Variants in REXO1 observed in about 807,000 individuals in gnomAD.
REXO1 encodes RNA exonuclease 1 homolog.
Under a neutral mutation model 102.6 loss-of-function variants are expected in REXO1, and 42 were observed. The observed-to-expected ratio is 0.41, with a 90% CI of 0.32 to 0.53. The LOEUF is 0.53. Ranked by LOEUF, REXO1 falls within the 20% of genes least tolerant of loss-of-function variation. The pLI, the probability that REXO1 is intolerant of heterozygous loss-of-function variation, is 0.27. For missense variants in REXO1, 1,819 were observed against 1,732.5 expected, an observed-to-expected ratio of 1.05 and a Z score of -0.89; for synonymous variants, 908 against 779.1, an observed-to-expected ratio of 1.17 and a Z score of -2.76.
chr19:1,845,256 G>T (rs114793399), intron 1 of REXO1, among the ~76,000 whole-genome samples: 2 of 152,184 alleles, frequency 1.3e-5, no homozygotes, highest in Non-Finnish European at 1.5e-5. Context: ...GGGATAGAAC[G>T]TGCCCCTCTA....
chr19:1,834,221 GAAGGAAAT>G (rs751760022), intron 1 of REXO1, among the ~76,000 whole-genome samples: 5 of 152,154 alleles, frequency 3.3e-5, no homozygotes, highest in Non-Finnish European at 7.4e-5. Context: ...CTTCCCAAAG[GAAGGAAAT>G]TCAGACCTCT....
In REXO1 at chr19:1,827,476, G is replaced by A; in HGVS notation, c.1313C>T (p.Ser438Phe). 5 of 1,573,962 alleles carry A rather than the reference G, an allele frequency of 3.2e-6. No homozygotes were observed. The highest frequency in any genetic ancestry group is 3.5e-4 in the Middle Eastern group (2 of 5,712). ...ERPEGTKKKP[S>F]SATPVATSGK... Reference sequence around the variant, plus strand: ...TGAGGTGGCCACAGGAGTGGCCGAAGATGGCTTCTTCTTGGTCCCTTCCGG... The same window carrying A: ...TGAGGTGGCCACAGGAGTGGCCGAAAATGGCTTCTTCTTGGTCCCTTCCGG... Residue 438 changes from serine (S) to phenylalanine (F), a missense_variant, in exon 2 of 16, where the codon TCT (serine) becomes TTT (phenylalanine). Ser to Phe is a radical substitution (Grantham distance 155, BLOSUM62 -2). Coordinates refer to ENST00000170168, the MANE Select transcript of REXO1 (RefSeq NM_020695.4).
intron 6 of REXO1, 61 bp downstream of exon 6, chr19:1,820,203 G>C (rs547623870): frequency 3.5e-4 from 553 of 1,568,622 alleles, no homozygotes; most frequent in Non-Finnish European, 4.5e-4. Flanking sequence ...GGGATGTCTG[G>C]GGACCACCCT....
chr19:1,816,628 C>CA, intron 13 of REXO1, 59 bp from the exon 14 acceptor site: 1 of 189,046 alleles, frequency 5.3e-6, no homozygotes, highest in Non-Finnish European at 1.0e-5. Flanking sequence ...GCTGGTGGGG[C>CA]GGGGGAGGGT....
At chr19:1,839,321 G>A (rs1011903370) in intron 1 of REXO1, among the ~76,000 whole-genome samples, 41 of 151,690 alleles carry the variant, frequency 2.7e-4, no homozygotes, top group Non-Finnish European at 3.2e-4. Flanking sequence ...TGTCCCCAAA[G>A]GACATTTCCC....
Position 1,817,195 on chromosome 19 carries a change from A to G in REXO1, c.3201+24T>C, listed in dbSNP as rs760456894. 12 of 1,609,820 alleles carry G rather than the reference A, an allele frequency of 7.5e-6. No homozygotes were observed. In the Admixed American group the frequency reaches 1.3e-4, roughly 18 times the overall value. ...CAGGTCCTCCCCAATCCTGAACCCG[A>G]CGCTGGGCAGAGAACAGCCTCACCA... On this transcript the variant is annotated intron_variant, in intron 12 of 15. Transcript: ENST00000170168.
In REXO1 at chr19:1,830,866, A is replaced by G. The variant is rs1244143868; in HGVS notation, c.158-2235T>C. ...TACAGATGCGTCTGGTGCAGCCTTC[A>G]CTGCAAAAACACAACAATAAATAAC... On this transcript the variant is annotated intron_variant, in intron 1 of 15. Transcript: ENST00000170168. 2.6e-5 allele frequency: 4 copies of G among 154,936 alleles called. No individual in the cohort carries two copies. The Admixed American group carries it at 2.6e-4, about 10-fold the overall frequency. The allele number at this position is 154,936 out of a possible 1,614,324, so 9.6% of individuals were successfully genotyped here.
At chr19:1,836,269 G>A (rs557189907) in intron 1 of REXO1, among the ~76,000 whole-genome samples, 3 of 152,318 alleles carry the variant, frequency 2.0e-5, no homozygotes, top group African/African-American at 7.2e-5. Context: ...CATGGAGCAC[G>A]AAGATCCCAA....
In REXO1 at chr19:1,828,264, C is replaced by T. The variant is rs1361397992; in HGVS notation, c.525G>A (p.Glu175=). 3.1e-6 allele frequency: 5 copies of T among 1,606,598 alleles called. No homozygotes were observed. The highest frequency in any genetic ancestry group is 4.2e-6 in the Non-Finnish European group (5 of 1,176,538). Residue 175 remains glutamate, a synonymous_variant, in exon 2 of 16, where the codon GAG becomes GAA. Coordinates refer to ENST00000170168, the MANE Select transcript of REXO1 (RefSeq NM_020695.4). ...ACGCCAGCGAGTACTTGCTGCCCGG[C>T]TCGGCAGGGGCGGCCAGTGGGGTGG... The part of the protein sequence containing the change: ...YQPTPLAAPA[E]PGSKYSLASL...
At chr19:1,829,388 G>A (rs549148773) in intron 1 of REXO1, among the ~76,000 whole-genome samples, 246 of 152,128 alleles carry the variant, frequency 1.6e-3, no homozygotes, top group African/African-American at 5.6e-3. Context: ...ACAGGCGTGC[G>A]CCATCACACC....
chr19:1,834,344 A>C (rs945689938), intron 1 of REXO1, among the ~76,000 whole-genome samples: 5 of 152,196 alleles, frequency 3.3e-5, no homozygotes, highest in Non-Finnish European at 7.4e-5. Context: ...CAGGCCCCCA[A>C]GCAGAGCGCA....
At position 1,829,025 on chromosome 19, in the gene REXO1, T is replaced by C. The variant is rs534350533; in HGVS notation, c.158-394A>G. Among the ~76,000 whole-genome samples, 5 of 152,358 alleles carry C rather than the reference T, an allele frequency of 3.3e-5. No individual in the cohort carries two copies. The East Asian group carries it at 9.6e-4, about 29-fold the overall frequency. ...TCAGGGTGCCGGGCTGAGGCAGGAC[T>C]GGGCTGGGCCGACAACCACAGCCTG... On this transcript the variant is annotated intron_variant, in intron 1 of 15. Transcript: ENST00000170168.
chr19:1,817,582 A>G, intron 11 of REXO1, 125 bp downstream of exon 11: 2 of 1,441,890 alleles, frequency 1.4e-6, no homozygotes, highest in Non-Finnish European at 1.9e-6. Context: ...GTAACACAAG[A>G]AAGGCTGCCC....
At position 1,846,298 on chromosome 19, in the gene REXO1, G is replaced by A. The variant is rs77248571; in HGVS notation, c.157+1904C>T. Among the ~76,000 whole-genome samples, 680 of 152,276 alleles carry A rather than the reference G, an allele frequency of 4.5e-3. 4 individuals carry two copies. Among genetic ancestry groups the A allele is most frequent in the African/African-American group, 0.015 (638 of 41,542 alleles). ...GGCAGCCTGATGAACATGTCACGGA[G>A]GCGGAAACAGAGGGTCAGAGAAACC... On this transcript the variant is annotated intron_variant, in intron 1 of 15. Transcript: ENST00000170168.
At chr19:1,834,640 A>G (rs116237875) in intron 1 of REXO1, among the ~76,000 whole-genome samples, 3,077 of 152,204 alleles carry the variant, frequency 0.02, 110 homozygotes, top group African/African-American at 0.069. Context: ...CTGGTCTCAA[A>G]CTTCTAAGCT....
At position 1,815,861 on chromosome 19, in the gene REXO1, G is replaced by C; in HGVS notation, c.*205C>G. The C allele has an allele frequency of 6.6e-7, 1 of 1,523,342 alleles. No homozygotes were observed. The highest frequency in any genetic ancestry group is 8.8e-7 in the Non-Finnish European group (1 of 1,138,686). The allele number at this position is 1,523,342 out of a possible 1,614,324, so 94.4% of individuals were successfully genotyped here. Reference sequence around the variant, plus strand: ...AGACGCCAGAGGGCTGGGGGGCAGAGGGTGGGGACCGGCGGAGGGGTGCGG... The same window carrying C: ...AGACGCCAGAGGGCTGGGGGGCAGACGGTGGGGACCGGCGGAGGGGTGCGG... On this transcript the variant is annotated 3_prime_UTR_variant, in exon 16 of 16. Coordinates refer to ENST00000170168, the MANE Select transcript of REXO1 (RefSeq NM_020695.4). This position sits in a 1 kb window ranked among gnomAD's most constrained non-coding sequence, Gnocchi z 4.0.
chr19:1,815,324 G>C lies in REXO1; in HGVS notation c.*742C>G, dbSNP rs1021888453. ...GGGGTCCGGAGAGCCCCGCAGAGGA[G>C]GACGGGGCTCTAGCGGGAAGACAGT... On this transcript the variant is annotated 3_prime_UTR_variant, in exon 16 of 16. Coordinates refer to ENST00000170168, the MANE Select transcript of REXO1 (RefSeq NM_020695.4). This position sits in a 1 kb window ranked among gnomAD's most constrained non-coding sequence, Gnocchi z 4.0. The C allele has an allele frequency of 6.4e-5, 10 of 155,458 alleles. No homozygotes were observed. Among genetic ancestry groups the C allele is most frequent in the Non-Finnish European group, 1.4e-4 (10 of 70,210 alleles). The allele number at this position is 155,458 out of a possible 1,614,324, so 9.6% of individuals were successfully genotyped here. A position where few individuals can be genotyped will look rare whatever the true frequency, so the allele number is the denominator to read the frequency against.
In REXO1 at chr19:1,821,624, A is replaced by T. The variant is rs1381745827; in HGVS notation, c.2289T>A (p.Pro763=). 2.5e-6 allele frequency: 4 copies of T among 1,613,626 alleles called. No homozygotes were observed. The South Asian group carries it at 4.4e-5, about 18-fold the overall frequency. ...TTTTCAGCTGCTGGCCACCTGGCTC[A>T]GGGCCGTTGGAGGACTGGCTGCCGC... is the stretch of plus-strand genomic sequence containing the variant. The part of the protein sequence containing the change: ...AASGSQSSNG[P]EPGGQQLKTR... The change falls in exon 5 of 16, where the codon CCT becomes CCA. Residue 763 remains proline (P), a synonymous_variant. Transcript: ENST00000170168.
At chr19:1,822,033 C>G (rs1024451548) in intron 4 of REXO1, 11 of 509,516 alleles carry the variant, frequency 2.2e-5, no homozygotes, top group Middle Eastern at 9.7e-4. Flanking sequence ...CGGGTGCCCC[C>G]ACCTGCTCAT....
Sources: allele counts gnomAD v4.1 joint callset (sites outside exome capture counted in the v4.1 genomes callset), GRCh38; gene constraint gnomAD v4.1.1; non-coding constraint Gnocchi (gnomAD v3.1); transcripts MANE v1.5; gene names NCBI Gene and HGNC (gene_info 2026-07-23, HGNC 2026-07-21).